The following PROX1 variants were observed in gnomAD, a reference collection of about 807,000 sequenced individuals.
PROX1 encodes the protein prospero homeobox protein 1.
In PROX1, 7 loss-of-function variants were observed where a neutral mutation model predicts 58.8. The ratio of observed to expected loss-of-function variants is 0.12; its 90% CI spans 0.07 to 0.22. The LOEUF is 0.22. Ranked by LOEUF, PROX1 falls within the 10% of genes least tolerant of loss-of-function variation. The probability of loss-of-function intolerance (pLI) is 1.00; values close to 1 mark genes in which losing one functional copy is unlikely to be tolerated. For synonymous variants in PROX1, 350 were observed against 358.3 expected, an observed-to-expected ratio of 0.98 and a Z score of 0.26; for missense variants, 675 against 927.8, an observed-to-expected ratio of 0.73 and a Z score of 3.54.
At chr1:213,992,164 T>C (rs1663060674) in intron 1 of PROX1, among the ~76,000 whole-genome samples, 1 of 152,200 alleles carries the variant, frequency 6.6e-6, no homozygotes, top group South Asian at 2.1e-4. Flanking sequence ...TGTGTTCATT[T>C]TGCAGGTGAA....
chr1:213,983,362 G>A (rs1171474001), upstream of PROX1: 1 of 152,538 alleles, frequency 6.6e-6, no homozygotes, highest in Non-Finnish European at 1.5e-5. Flanking sequence ...CCTCTTGGGA[G>A]GCGGCTGAGG....
Position 214,035,837 on chromosome 1 carries a change from A to C in PROX1, c.*3A>C, listed in dbSNP as rs1168953380. 1 of 1,605,282 alleles carries C rather than the reference A, an allele frequency of 6.2e-7. No homozygotes were observed. The highest frequency in any genetic ancestry group is 8.5e-7 in the Non-Finnish European group (1 of 1,175,892). ...TACAAGAGCTGCTTCATGAGTAGAA[A>C]TTTCAACAACTCTTTTTGAATGTAT... On this transcript the variant is annotated 3_prime_UTR_variant, in exon 5 of 5. Transcript: ENST00000366958.
intron 4 of PROX1, chr1:214,030,992 GAA>G: frequency 6.9e-6 from 1 of 145,960 alleles, no homozygotes. Context: ...CATTCCGATG[GAA>G]AAAAAAAAGA....
chr1:214,023,732 C>T (rs1374013343), intron 4 of PROX1, among the ~76,000 whole-genome samples: 1 of 152,158 alleles, frequency 6.6e-6, no homozygotes, highest in East Asian at 1.9e-4. Context: ...GATATGTATT[C>T]TTCATATTTC....
rs377563857 is a variant in PROX1, at chr1:213,991,519, T to A, written c.-68+3036T>A. On this transcript the variant is annotated intron_variant, in intron 1 of 4. Transcript: ENST00000366958. ...TATGCCTATGTTCATTTGCTTTATT[T>A]TTAATAGGGGTTATCTGTGCTTGGC... Among the ~76,000 whole-genome samples the A allele has an allele frequency of 1.1e-4, 16 of 152,334 alleles. No homozygotes were observed. The East Asian group carries it at 1.2e-3, about 11-fold the overall frequency.
intron 1 of PROX1, among the ~76,000 whole-genome samples, chr1:213,995,943 TA>T (rs999014859): frequency 6.6e-5 from 10 of 152,232 alleles, no homozygotes; most frequent in African/African-American, 2.4e-4. Context: ...AATTCAAGAA[TA>T]AAAGCTCTCT....
At chr1:214,033,760 TG>T (rs1664740668) in intron 4 of PROX1, among the ~76,000 whole-genome samples, 2 of 152,144 alleles carry the variant, frequency 1.3e-5, no homozygotes, top group Admixed American at 6.5e-5. Flanking sequence ...GGATTATCTT[TG>T]GGGGTGGAGG....
chr1:213,989,550 G>C (rs908769409), intron 1 of PROX1, among the ~76,000 whole-genome samples: 1 of 151,960 alleles, frequency 6.6e-6, no homozygotes, highest in African/African-American at 2.4e-5. Context: ...GGGAGGACAG[G>C]AGAGGTGAGA....
intron 4 of PROX1, among the ~76,000 whole-genome samples, chr1:214,032,570 A>AT (rs2102780939): frequency 6.6e-6 from 1 of 151,974 alleles, no homozygotes; most frequent in East Asian, 1.9e-4. Flanking sequence ...ATTTTTTTGC[A>AT]TTTTTGGTAG....
intron 3 of PROX1, among the ~76,000 whole-genome samples, 196 bp from the exon 4 acceptor site, chr1:214,011,325 C>T (rs914161129): frequency 1.3e-5 from 2 of 152,120 alleles, no homozygotes; most frequent in Non-Finnish European, 2.9e-5. Context: ...ATATGATTTC[C>T]ATTACTGACA....
chr1:213,986,242 G>C (rs1662822248), upstream of PROX1: 1 of 151,300 alleles, frequency 6.6e-6, no homozygotes, highest in Non-Finnish European at 1.5e-5. Flanking sequence ...TTCCGTGATA[G>C]ACGCGTGGGG....
intron 4 of PROX1, among the ~76,000 whole-genome samples, chr1:214,022,147 A>G (rs538387429): frequency 3.3e-4 from 51 of 152,332 alleles, no homozygotes; most frequent in African/African-American, 1.2e-3. Context: ...GACTTACAGC[A>G]TGGACTCTCC....
At chr1:214,010,853 G>T (rs1663883817) in intron 3 of PROX1, among the ~76,000 whole-genome samples, 1 of 152,128 alleles carries the variant, frequency 6.6e-6, no homozygotes, top group African/African-American at 2.4e-5. Context: ...GGGGGACATG[G>T]GTCTTATCCA....
At chr1:214,035,591 T>TAAC (rs1361761966) in intron 4 of PROX1, 58 bp from the exon 5 acceptor site, 1 of 1,504,208 alleles carries the variant, frequency 6.6e-7, no homozygotes, top group African/African-American at 1.4e-5. Context: ...TTCCTTGGAA[T>TAAC]AACTGTAGAC....
At chr1:214,001,427 A>T (rs1322579710) in intron 2 of PROX1, among the ~76,000 whole-genome samples, 1 of 152,200 alleles carries the variant, frequency 6.6e-6, no homozygotes, top group Non-Finnish European at 1.5e-5. Flanking sequence ...TTTCTTCATG[A>T]TGTTCCTTGT....
chr1:214,030,316 T>C (rs990144141), intron 4 of PROX1: 4 of 152,174 alleles, frequency 2.6e-5, no homozygotes. Context: ...CATTTCTCCA[T>C]CGAAGCAAGT....
chr1:214,026,456 T>C (rs1005528510), intron 4 of PROX1, among the ~76,000 whole-genome samples: 3 of 152,220 alleles, frequency 2.0e-5, no homozygotes, highest in African/African-American at 4.8e-5. Flanking sequence ...GATCTCTACA[T>C]GCAGAATTGC....
intron 4 of PROX1, among the ~76,000 whole-genome samples, chr1:214,031,940 G>A (rs541091469): frequency 6.6e-6 from 1 of 152,304 alleles, no homozygotes; most frequent in Non-Finnish European, 1.5e-5. Context: ...TGCTCCAGTA[G>A]TTCAGTATCT....
At chr1:214,003,974 GTT>G (rs1663616903) in intron 2 of PROX1, among the ~76,000 whole-genome samples, 3 of 152,166 alleles carry the variant, frequency 2.0e-5, no homozygotes, top group Non-Finnish European at 4.4e-5. Context: ...GTGTGAGTGT[GTT>G]TGTGTGTGTG....
Sources: gnomAD v4.1 joint callset for allele counts (sites outside exome capture counted in the v4.1 genomes callset) on GRCh38, gnomAD v4.1.1 for gene constraint, MANE v1.5 for transcripts, NCBI Gene and HGNC (gene_info 2026-07-23, HGNC 2026-07-21) for gene names.